The following UGT2B28 variants were observed in gnomAD, a reference collection of about 807,000 sequenced individuals.
UGT2B28 encodes the protein UDP-glucuronosyltransferase 2B28.
Under a neutral mutation model 43.6 loss-of-function variants are expected in UGT2B28, and 45 were observed. The observed-to-expected ratio is 1.03, with a 90% CI of 0.81 to 1.32. The LOEUF is 1.32. UGT2B28 is among the 40% of genes most tolerant of loss of function. The probability of loss-of-function intolerance (pLI) is 0.00; values close to 1 mark genes in which losing one functional copy is unlikely to be tolerated. For synonymous variants in UGT2B28, 204 were observed against 208.1 expected (o/e 0.98, Z 0.17); for missense variants, 649 against 625.5 (o/e 1.04, Z -0.40).
rs1164374193 is a variant in UGT2B28 at position 69,289,380 on chromosome 4, C to T, written c.1003-285C>T. On this transcript the variant is annotated intron_variant, in intron 3 of 5. Transcript: ENST00000335568. ...TTTTACTTCATGTGATGGTTGGCCG[C>T]AGGTAGGTCTTTTTTTAAAAAGTGT... Among the ~76,000 whole-genome samples, 2 of 140,334 alleles carry T rather than the reference C, an allele frequency of 1.4e-5. 1 individual carries two copies. The allele number at this position is 140,334 out of a possible 152,430, so 92.1% of individuals were successfully genotyped here.
chr4:69,283,262 A>C (rs4260602), intron 2 of UGT2B28, among the ~76,000 whole-genome samples: 1 of 137,120 alleles, frequency 7.3e-6, no homozygotes, highest in Non-Finnish European at 1.5e-5. Flanking sequence ...GACAGTTCTC[A>C]AGTCCTCAGG....
Position 69,287,970 on chromosome 4 carries a change from T to C in UGT2B28, c.1002+1087T>C, listed in dbSNP as rs1723826774. On this transcript the variant is annotated intron_variant, in intron 3 of 5. Coordinates refer to ENST00000335568, the MANE Select transcript of UGT2B28 (RefSeq NM_053039.2). ...TGAGGATTGCTTTGGAGTTTCAAAATTAGTAACAAAATAAGAATGTCTTGG... is the reference window on the plus strand; with the variant it reads ...TGAGGATTGCTTTGGAGTTTCAAAACTAGTAACAAAATAAGAATGTCTTGG... Among the ~76,000 whole-genome samples, 2 of 140,374 alleles carry C rather than the reference T, an allele frequency of 1.4e-5. 1 individual carries two copies. Among genetic ancestry groups the C allele is most frequent in the African/African-American group, 5.6e-5 (2 of 35,846 alleles). The allele number at this position is 140,374 out of a possible 152,430, so 92.1% of individuals were successfully genotyped here.
At position 69,284,789 on chromosome 4, in the gene UGT2B28, C is replaced by T. The variant is rs202127428; in HGVS notation, c.871-1963C>T. On this transcript the variant is annotated intron_variant, in intron 2 of 5. Transcript: ENST00000335568. ...GTAAAATAACTGCTAACACAGGTTGCTTTCTTTTCAATTATATATTACATT... is the reference window on the plus strand; with the variant it reads ...GTAAAATAACTGCTAACACAGGTTGTTTTCTTTTCAATTATATATTACATT... 1.5e-4 allele frequency among the ~76,000 whole-genome samples: 21 copies of T among 140,432 alleles called. 3 individuals carry two copies. In the East Asian group the frequency reaches 3.1e-3, roughly 20 times the overall value. The allele number at this position is 140,432 out of a possible 152,430, so 92.1% of individuals were successfully genotyped here. A position where few individuals can be genotyped will look rare whatever the true frequency, so the allele number is the denominator to read the frequency against.
Position 69,290,744 on chromosome 4 carries a change from C to G in UGT2B28, c.1243C>G (p.Leu415Val), listed in dbSNP as rs553421708. Residue 415 changes from leucine (L) to valine (V), a missense_variant, in exon 5 of 6, where the codon CTG becomes GTG. Transcript: ENST00000335568. ...GAAGGCCAAGGGAGCAGCTGTTAGA[C>G]TGGACTTCCACACAATGTCGAGTAC... ...HMKAKGAAVR[L>V]DFHTMSSTDL... is the part of the protein sequence containing the mutation. 39 of 1,559,586 alleles carry G rather than the reference C, an allele frequency of 2.5e-5. 5 individuals carry two copies. Among genetic ancestry groups the G allele is most frequent in the East Asian group, 6.9e-5 (3 of 43,550 alleles).
intron 4 of UGT2B28, among the ~76,000 whole-genome samples, chr4:69,290,049 T>C (rs1156533541): frequency 7.1e-6 from 1 of 140,262 alleles, no homozygotes; most frequent in East Asian, 2.0e-4. Context: ...TTCTACAACT[T>C]TACACCTGTT....
chr4:69,287,024 G>C, intron 3 of UGT2B28, 141 bp downstream of exon 3: 1 of 1,371,244 alleles, frequency 7.3e-7, no homozygotes, highest in Non-Finnish European at 9.5e-7. Flanking sequence ...AGCTTCCACC[G>C]ACACAAGTCA....
rs1577996246 is a variant in UGT2B28 at position 69,289,817 on chromosome 4, T to C, written c.1090+65T>C. Reference sequence around the variant, plus strand: ...TGCACATTAGAATGTTAATAGTTTATCTTGAAACATGCTTATTGAATATTT... The same window carrying C: ...TGCACATTAGAATGTTAATAGTTTACCTTGAAACATGCTTATTGAATATTT... On this transcript the variant is annotated intron_variant, in intron 4 of 5. Coordinates refer to ENST00000335568, the MANE Select transcript of UGT2B28 (RefSeq NM_053039.2). The C allele has an allele frequency of 1.8e-5, 25 of 1,376,980 alleles. 5 individuals carry two copies. The East Asian group carries it at 3.4e-4, about 19-fold the overall frequency. The allele number at this position is 1,376,980 out of a possible 1,614,324, so 85.3% of individuals were successfully genotyped here.
At position 69,291,132 on chromosome 4, in the gene UGT2B28, A is replaced by T. The variant is rs534545555; in HGVS notation, c.1310+321A>T. ...AAAGGAAGAATAAACTTGAAATATT[A>T]TAAAATGTTTTAATTAAATATCTAA... On this transcript the variant is annotated intron_variant, in intron 5 of 5. Coordinates refer to ENST00000335568, the MANE Select transcript of UGT2B28 (RefSeq NM_053039.2). 3.4e-4 allele frequency among the ~76,000 whole-genome samples: 48 copies of T among 140,896 alleles called. 6 individuals carry two copies. The highest frequency in any genetic ancestry group is 5.0e-4 in the Admixed American group (7 of 14,062). The allele number at this position is 140,896 out of a possible 152,430, so 92.4% of individuals were successfully genotyped here.
Position 69,287,592 on chromosome 4 carries a change from C to T in UGT2B28, c.1002+709C>T, listed in dbSNP as rs1398685107. 6.4e-5 allele frequency among the ~76,000 whole-genome samples: 9 copies of T among 139,996 alleles called. 1 individual carries two copies. The highest frequency in any genetic ancestry group is 2.5e-4 in the African/African-American group (9 of 35,702). The allele number at this position is 139,996 out of a possible 152,430, so 91.8% of individuals were successfully genotyped here. ...AGAAAGGATGGAGATGGATCCTGAC[C>T]TGAAGGTGGATCCTGTACAGTATAA... is the stretch of plus-strand genomic sequence containing the variant. On this transcript the variant is annotated intron_variant, in intron 3 of 5. Coordinates refer to ENST00000335568, the MANE Select transcript of UGT2B28 (RefSeq NM_053039.2).
At chr4:69,287,653 G>A (rs1339807307) in intron 3 of UGT2B28, among the ~76,000 whole-genome samples, 1 of 139,520 alleles carries the variant, frequency 7.2e-6, no homozygotes, top group Admixed American at 7.2e-5. Context: ...CTAACTACCA[G>A]ATTAACAACC....
Position 69,294,929 on chromosome 4 carries a change from T to C in UGT2B28, c.*120T>C. The stretch of plus-strand genomic sequence containing the variant: ...CTTCCTGTGACAAAAAAAAAAACTT[T>C]TCAAAATCTACCTTGTCAAGTAAAA... On this transcript the variant is annotated 3_prime_UTR_variant, in exon 6 of 6. Transcript: ENST00000335568. 1 of 1,294,534 alleles carries C rather than the reference T, an allele frequency of 7.7e-7. No homozygotes were observed. The highest frequency in any genetic ancestry group is 1.0e-6 in the Non-Finnish European group (1 of 1,001,280). 80.2% of individuals were successfully genotyped at this position (1,294,534 alleles called of 1,614,324 possible).
rs2109691141 is a variant in UGT2B28 at position 69,288,050 on chromosome 4, G to A, written c.1002+1167G>A. ...CAAAGCTTTGTAGCACGTTGTCTAA[G>A]TGATAATAATCAGTTGACCAAATTC... On this transcript the variant is annotated intron_variant, in intron 3 of 5. Transcript: ENST00000335568. Among the ~76,000 whole-genome samples the A allele has an allele frequency of 1.4e-5, 2 of 139,570 alleles. 1 individual carries two copies. Among genetic ancestry groups the A allele is most frequent in the East Asian group, 4.1e-4 (2 of 4,920 alleles). The allele number at this position is 139,570 out of a possible 152,430, so 91.6% of individuals were successfully genotyped here.
Position 69,294,414 on chromosome 4 carries a change from C to T in UGT2B28, c.1311-116C>T, listed in dbSNP as rs757580822. 1.4e-4 allele frequency: 153 copies of T among 1,102,570 alleles called. 12 individuals are homozygous for T. The highest frequency in any genetic ancestry group is 1.7e-4 in the Non-Finnish European group (146 of 852,304). The allele number at this position is 1,102,570 out of a possible 1,614,324, so 68.3% of individuals were successfully genotyped here. A position where few individuals can be genotyped will look rare whatever the true frequency, so the allele number is the denominator to read the frequency against. ...AAATTAAAATACACAAATTCTCTGT[C>T]AATTCTTTCAAATTTACTTTGAATT... On this transcript the variant is annotated intron_variant, in intron 5 of 5. Coordinates refer to ENST00000335568, the MANE Select transcript of UGT2B28 (RefSeq NM_053039.2).
rs1186501540 is a variant in UGT2B28, at chr4:69,293,609, C to T, written c.1311-921C>T. ...AGGGAGAGAAGCATGCCTTGGGTTG[C>T]AGCAAGAAAGAGTACTCCAAGAGCA... is the stretch of plus-strand genomic sequence containing the variant. On this transcript the variant is annotated intron_variant, in intron 5 of 5. Transcript: ENST00000335568. 7.9e-5 allele frequency among the ~76,000 whole-genome samples: 11 copies of T among 139,396 alleles called. 3 individuals are homozygous for T. The highest frequency in any genetic ancestry group is 2.2e-4 in the African/African-American group (8 of 35,618). 91.4% of individuals were successfully genotyped at this position (139,396 alleles called of 152,430 possible). A position where few individuals can be genotyped will look rare whatever the true frequency, so the allele number is the denominator to read the frequency against.
intron 5 of UGT2B28, among the ~76,000 whole-genome samples, chr4:69,294,246 A>G (rs1475523221): frequency 7.2e-6 from 1 of 139,816 alleles, no homozygotes. Context: ...ACTTAAAATT[A>G]AAGAATTAAA....
At position 69,289,706 on chromosome 4, in the gene UGT2B28, T is replaced by C; in HGVS notation, c.1044T>C (p.Gly348=). The C allele has an allele frequency of 1.9e-6, 3 of 1,561,906 alleles. No individual in the cohort carries two copies. The highest frequency in any genetic ancestry group is 2.4e-5 in the South Asian group (2 of 84,160). ...ATGGGAATAAACCAGATGCCTTAGG[T>C]CTCAATACTCGGCTGTATAAGTGGA... ...RFDGNKPDAL[G]LNTRLYKWIP... Residue 348 remains glycine (G), a synonymous_variant, in exon 4 of 6, where the codon GGT becomes GGC. Coordinates refer to ENST00000335568, the MANE Select transcript of UGT2B28 (RefSeq NM_053039.2).
At chr4:69,292,623 A>G (rs1308809931) in intron 5 of UGT2B28, among the ~76,000 whole-genome samples, 5 of 140,366 alleles carry the variant, frequency 3.6e-5, no homozygotes, top group Non-Finnish European at 7.6e-5. Flanking sequence ...CTAAAATGAT[A>G]TACAAACACA....
chr4:69,286,585 A>G (rs549590658), intron 2 of UGT2B28, among the ~76,000 whole-genome samples, 167 bp from the exon 3 acceptor site: 1 of 140,410 alleles, frequency 7.1e-6, no homozygotes, highest in Non-Finnish European at 1.5e-5. Context: ...AACTACCTCA[A>G]ACATCTTCTT....
rs1723696961 is a variant in UGT2B28, at chr4:69,284,001, G to A, written c.870+1339G>A. On this transcript the variant is annotated intron_variant, in intron 2 of 5. Transcript: ENST00000335568. ...TTAAATATGTGCAGACAAACCCAGG[G>A]TTCACTTGACTTTAATAAAGTATTT... Among the ~76,000 whole-genome samples, 4 of 140,494 alleles carry A rather than the reference G, an allele frequency of 2.8e-5. 1 individual carries two copies. The highest frequency in any genetic ancestry group is 1.1e-4 in the African/African-American group (4 of 36,000). The allele number at this position is 140,494 out of a possible 152,430, so 92.2% of individuals were successfully genotyped here. A position where few individuals can be genotyped will look rare whatever the true frequency, so the allele number is the denominator to read the frequency against.
Sources: gnomAD v4.1 joint callset for allele counts (sites outside exome capture counted in the v4.1 genomes callset) on GRCh38, gnomAD v4.1.1 for gene constraint, MANE v1.5 for transcripts, NCBI Gene and HGNC (gene_info 2026-07-23, HGNC 2026-07-21) for gene names.